The following TSPAN18 variants were observed in gnomAD, a reference collection of about 807,000 sequenced individuals.
The protein encoded by TSPAN18 is tetraspanin-18.
Under a neutral mutation model 27.3 loss-of-function variants are expected in TSPAN18, and 14 were observed. The ratio of observed to expected loss-of-function variants is 0.51; its 90% CI spans 0.34 to 0.80. The LOEUF (loss-of-function observed/expected upper bound fraction) is 0.80. Ranked by LOEUF, TSPAN18 falls within the 30% of genes least tolerant of loss-of-function variation. The pLI is 0.01. For synonymous variants in TSPAN18, 143 were observed against 136.5 expected (o/e 1.05, Z -0.33); for missense variants, 268 against 323.9 (o/e 0.83, Z 1.32).
At chr11:44,748,922 G>T (rs1855145330) in intron 1 of TSPAN18, among the ~76,000 whole-genome samples, 1 of 152,202 alleles carries the variant, frequency 6.6e-6, no homozygotes, top group Non-Finnish European at 1.5e-5. Flanking sequence ...GTACCACATT[G>T]TGTGTACCGC....
At chr11:44,762,907 T>A (rs1263371626) in intron 1 of TSPAN18, among the ~76,000 whole-genome samples, 1 of 152,086 alleles carries the variant, frequency 6.6e-6, no homozygotes, top group African/African-American at 2.4e-5. Flanking sequence ...CCTGCTTACA[T>A]CCCTCCCACT....
intron 2 of TSPAN18, among the ~76,000 whole-genome samples, chr11:44,845,832 A>G (rs1019662197): frequency 6.6e-6 from 1 of 152,182 alleles, no homozygotes. Context: ...GTGGGTAGGC[A>G]CCACCTGTGC....
rs867573961 is a variant in TSPAN18, at chr11:44,871,639, C to T, written c.-11+11170C>T. Among the ~76,000 whole-genome samples, 3 of 152,348 alleles carry T rather than the reference C, an allele frequency of 2.0e-5. No homozygotes were observed. In the East Asian group the frequency reaches 5.8e-4, roughly 29 times the overall value. ...ACGACCAGCAGAACATAGTCAGTCC[C>T]TCTTCATACCACCAGCCTTCAGGAT... On this transcript the variant is annotated intron_variant, in intron 3 of 9. Transcript: ENST00000520358.
intron 2 of TSPAN18, among the ~76,000 whole-genome samples, chr11:44,858,407 G>T (rs977967653): frequency 1.3e-5 from 2 of 152,216 alleles, no homozygotes; most frequent in African/African-American, 2.4e-5. Context: ...ACAAGCACAG[G>T]CTTCAAAGCT....
chr11:44,734,754 C>CT (rs1282461448), intron 1 of TSPAN18, among the ~76,000 whole-genome samples: 1 of 152,182 alleles, frequency 6.6e-6, no homozygotes, highest in African/African-American at 2.4e-5. Context: ...GGGTTCAGGG[C>CT]TGGGGGTGTT....
At chr11:44,839,975 T>C (rs1426180201) in intron 2 of TSPAN18, among the ~76,000 whole-genome samples, 2 of 152,048 alleles carry the variant, frequency 1.3e-5, no homozygotes, top group African/African-American at 4.8e-5. Flanking sequence ...CCTCACAGGA[T>C]TGTGATGGGA....
chr11:44,907,107 A>C (rs1245641506), intron 4 of TSPAN18, among the ~76,000 whole-genome samples: 1 of 149,182 alleles, frequency 6.7e-6, no homozygotes, highest in Non-Finnish European at 1.5e-5. Flanking sequence ...GCTTAGCTCC[A>C]TTTCCATCTA....
At chr11:44,802,882 C>G (rs1167976063) in intron 2 of TSPAN18, among the ~76,000 whole-genome samples, 1 of 152,166 alleles carries the variant, frequency 6.6e-6, no homozygotes, top group Admixed American at 6.5e-5. Flanking sequence ...GAGTATTGCT[C>G]TGATTTTAAC....
chr11:44,825,795 A>G (rs1857027828), intron 2 of TSPAN18, among the ~76,000 whole-genome samples: 1 of 152,148 alleles, frequency 6.6e-6, no homozygotes, highest in South Asian at 2.1e-4. Context: ...TCCCCAGTTC[A>G]CAACAGAGAC....
intron 3 of TSPAN18, among the ~76,000 whole-genome samples, chr11:44,884,531 G>A (rs545900577): frequency 1.4e-4 from 21 of 152,292 alleles, no homozygotes; most frequent in East Asian, 7.7e-4. Context: ...CCCCCTGTGC[G>A]GTTCAGCCCC....
chr11:44,826,278 G>A (rs759007413), intron 2 of TSPAN18, among the ~76,000 whole-genome samples: 1 of 152,138 alleles, frequency 6.6e-6, no homozygotes, highest in Non-Finnish European at 1.5e-5. Context: ...CAAAAATTAG[G>A]CTGGGCATTG....
chr11:44,838,393 C>G (rs1398612329), intron 2 of TSPAN18, among the ~76,000 whole-genome samples: 1 of 152,146 alleles, frequency 6.6e-6, no homozygotes, highest in Non-Finnish European at 1.5e-5. Flanking sequence ...TCAATTATCT[C>G]CCACCCGGTT....
chr11:44,902,769 A>T (rs1859308977), intron 3 of TSPAN18, among the ~76,000 whole-genome samples: 1 of 152,140 alleles, frequency 6.6e-6, no homozygotes, highest in South Asian at 2.1e-4. Flanking sequence ...CTGAGGAGAG[A>T]AGGGTGAGCA....
Position 44,782,442 on chromosome 11 carries a change from C to T in TSPAN18, c.-153+17930C>T, listed in dbSNP as rs1288724004. Among the ~76,000 whole-genome samples, 3 of 151,240 alleles carry T rather than the reference C, an allele frequency of 2.0e-5. No individual in the cohort carries two copies. The East Asian group carries it at 5.9e-4, about 30-fold the overall frequency. On this transcript the variant is annotated intron_variant, in intron 2 of 9. Coordinates refer to ENST00000520358, the MANE Select transcript of TSPAN18 (RefSeq NM_130783.5). ...CCTGTAATCCCAGCTACTCGGGAGG[C>T]TGAGGCAGGAGAATCACTTGAACCT...
chr11:44,912,396 C>T (rs1333881066), intron 5 of TSPAN18, among the ~76,000 whole-genome samples: 5 of 151,762 alleles, frequency 3.3e-5, no homozygotes, highest in Non-Finnish European at 7.4e-5. Flanking sequence ...TCCCCGTTTC[C>T]CTGTCTCTCT....
chr11:44,805,433 G>T (rs1229303760), intron 2 of TSPAN18, among the ~76,000 whole-genome samples: 1 of 152,212 alleles, frequency 6.6e-6, no homozygotes, highest in Non-Finnish European at 1.5e-5. Flanking sequence ...AGTTTGGTGG[G>T]AAGGGTCTTG....
At chr11:44,920,036 A>G in intron 8 of TSPAN18, 37 bp downstream of exon 8, 4 of 1,590,374 alleles carry the variant, frequency 2.5e-6, no homozygotes, top group Non-Finnish European at 3.4e-6. Flanking sequence ...GAGTGGGTCT[A>G]TCGGGATTTG....
rs200447218 is a variant in TSPAN18 at position 44,775,376 on chromosome 11, G to A, written c.-153+10864G>A. 1.4e-4 allele frequency among the ~76,000 whole-genome samples: 21 copies of A among 152,290 alleles called. No individual in the cohort carries two copies. The East Asian group carries it at 4.0e-3, about 29-fold the overall frequency. ...GTCAATGCTGCTTTACTTAATAATA[G>A]GGAGAACTATCTGGCTAATATGTTC... is the stretch of plus-strand genomic sequence containing the variant. On this transcript the variant is annotated intron_variant, in intron 2 of 9. Transcript: ENST00000520358.
chr11:44,893,021 ACTCTGGGCAAGAGCCCGTCCCT>A (rs1230237564), intron 3 of TSPAN18, among the ~76,000 whole-genome samples: 1 of 152,016 alleles, frequency 6.6e-6, no homozygotes. Context: ...GTGCTGTGTG[ACTCTGGGCAAGAGCCCGTCCCT>A]CTCTGGGCCT....
Sources: gnomAD v4.1 joint callset for allele counts (sites outside exome capture counted in the v4.1 genomes callset) on GRCh38, gnomAD v4.1.1 for gene constraint, MANE v1.5 for transcripts, NCBI Gene and HGNC (gene_info 2026-07-23, HGNC 2026-07-21) for gene names.